RNF180: variants seen among roughly 807,000 people sequenced by gnomAD.
RNF180 encodes E3 ubiquitin-protein ligase RNF180.
RNF180 carries 38 observed loss-of-function variants against 59.2 expected under a neutral mutation model. That is an observed-to-expected ratio of 0.64 (90% CI 0.50 to 0.84). The LOEUF (loss-of-function observed/expected upper bound fraction) is 0.84. Ranked by LOEUF, RNF180 falls within the 40% of genes least tolerant of loss-of-function variation. RNF180 has a pLI of 0.00. For missense variants in RNF180, 705 were observed against 700.9 expected, an observed-to-expected ratio of 1.01 and a Z score of -0.07; for synonymous variants, 262 against 240.3, an observed-to-expected ratio of 1.09 and a Z score of -0.84.
intron 5 of RNF180, 76 bp downstream of exon 5, chr5:64,217,472 A>C: frequency 1.5e-6 from 2 of 1,319,478 alleles, no homozygotes; most frequent in Non-Finnish European, 1.9e-6. Flanking sequence ...CATTCCAAGC[A>C]GCAAAGACTT....
At chr5:64,296,117 A>G (rs928646709) in intron 5 of RNF180, among the ~76,000 whole-genome samples, 2 of 152,178 alleles carry the variant, frequency 1.3e-5, no homozygotes, top group Non-Finnish European at 2.9e-5. Context: ...TCAGACAACT[A>G]TGACAGGGAC....
chr5:64,267,082 A>G (rs745762523), intron 5 of RNF180, among the ~76,000 whole-genome samples: 4 of 152,118 alleles, frequency 2.6e-5, no homozygotes, highest in East Asian at 1.9e-4. Context: ...CAGCTTCTCT[A>G]CCTGTCTGAA....
chr5:64,241,947 C>T (rs948968757), intron 5 of RNF180, among the ~76,000 whole-genome samples: 1 of 152,136 alleles, frequency 6.6e-6, no homozygotes, highest in Non-Finnish European at 1.5e-5. Context: ...CAGGCTGGTA[C>T]TCACTGACAG....
chr5:64,362,905 A>G (rs1746312115), intron 7 of RNF180, among the ~76,000 whole-genome samples: 1 of 140,902 alleles, frequency 7.1e-6, no homozygotes, highest in Non-Finnish European at 1.5e-5. Flanking sequence ...ATGTCTGTTC[A>G]TGTCCTTTGC....
At chr5:64,242,338 G>C (rs534986795) in intron 5 of RNF180, among the ~76,000 whole-genome samples, 2 of 152,272 alleles carry the variant, frequency 1.3e-5, no homozygotes, top group African/African-American at 4.8e-5. Context: ...CAGAGATCAA[G>C]AACAATCAGA....
At chr5:64,179,756 A>G (rs1750468692) in intron 1 of RNF180, among the ~76,000 whole-genome samples, 2 of 152,216 alleles carry the variant, frequency 1.3e-5, no homozygotes, top group South Asian at 4.1e-4. Flanking sequence ...ATACAAACCT[A>G]GAAGTAGAAC....
At chr5:64,308,399 C>T (rs73103192) in intron 5 of RNF180, among the ~76,000 whole-genome samples, 2,168 of 151,822 alleles carry the variant, frequency 0.014, 49 homozygotes, top group African/African-American at 0.049. Context: ...TTACTATAGA[C>T]AAGTGTCATT....
intron 5 of RNF180, among the ~76,000 whole-genome samples, chr5:64,312,818 C>T (rs1743840154): frequency 6.6e-6 from 1 of 152,082 alleles, no homozygotes; most frequent in South Asian, 2.1e-4. Flanking sequence ...ACCTCAAAAG[C>T]TGGTGCCGTG....
intron 7 of RNF180, among the ~76,000 whole-genome samples, chr5:64,340,970 G>A (rs774888677): frequency 2.0e-5 from 3 of 151,496 alleles, no homozygotes; most frequent in Non-Finnish European, 4.4e-5. Flanking sequence ...CTTTCCCTCT[G>A]ACTCTTCCTT....
rs562462366 is a variant in RNF180 at position 64,190,324 on chromosome 5, A to C, written c.1-10484A>C. Among the ~76,000 whole-genome samples, 303 of 152,326 alleles carry C rather than the reference A, an allele frequency of 2.0e-3. 1 individual carries two copies. The highest frequency in any genetic ancestry group is 3.7e-3 in the Non-Finnish European group (254 of 68,022). ...TAGAATGGGAATGGCAACCCTATGCATGTGCCACCATTGTATTTTAGAAGC... is the reference window on the plus strand; with the variant it reads ...TAGAATGGGAATGGCAACCCTATGCCTGTGCCACCATTGTATTTTAGAAGC... On this transcript the variant is annotated intron_variant, in intron 1 of 7. Coordinates refer to ENST00000389100, the MANE Select transcript of RNF180 (RefSeq NM_001113561.2).
chr5:64,350,540 AG>A (rs1745757221), intron 7 of RNF180, among the ~76,000 whole-genome samples: 1 of 152,134 alleles, frequency 6.6e-6, no homozygotes. Context: ...TTATGGCTTT[AG>A]GTCTAACATT....
intron 7 of RNF180, among the ~76,000 whole-genome samples, chr5:64,356,278 G>A (rs907952629): frequency 6.6e-6 from 1 of 151,462 alleles, no homozygotes; most frequent in Non-Finnish European, 1.5e-5. Context: ...AAATAAATGT[G>A]GTGTAAGGGA....
chr5:64,269,603 T>C (rs750170567), intron 5 of RNF180, among the ~76,000 whole-genome samples: 4 of 152,156 alleles, frequency 2.6e-5, no homozygotes, highest in Non-Finnish European at 4.4e-5. Flanking sequence ...CTGCTATGTT[T>C]GTCTGAGATA....
At chr5:64,187,234 G>A (rs1483659255) in intron 1 of RNF180, among the ~76,000 whole-genome samples, 1 of 152,124 alleles carries the variant, frequency 6.6e-6, no homozygotes, top group Non-Finnish European at 1.5e-5. Flanking sequence ...TGTGACTTAA[G>A]AACCTATGGG....
intron 5 of RNF180, among the ~76,000 whole-genome samples, chr5:64,288,935 G>A (rs1227887237): frequency 6.6e-6 from 1 of 152,180 alleles, no homozygotes; most frequent in Non-Finnish European, 1.5e-5. Context: ...ATGTTGAATA[G>A]GAGTGGTGAG....
chr5:64,207,913 C>T (rs1162458927), intron 2 of RNF180, among the ~76,000 whole-genome samples: 2 of 151,944 alleles, frequency 1.3e-5, no homozygotes, highest in Non-Finnish European at 2.9e-5. Flanking sequence ...ATAGTTGGCT[C>T]ACATTTAAAG....
At chr5:64,364,969 T>G (rs749148072) in intron 7 of RNF180, among the ~76,000 whole-genome samples, 5 of 151,354 alleles carry the variant, frequency 3.3e-5, no homozygotes, top group Non-Finnish European at 7.4e-5. Flanking sequence ...TATTATTTAC[T>G]AGTCTAGCTA....
At chr5:64,349,417 T>TTG (rs1745690827) in intron 7 of RNF180, among the ~76,000 whole-genome samples, 1 of 151,856 alleles carries the variant, frequency 6.6e-6, no homozygotes, top group Non-Finnish European at 1.5e-5. Flanking sequence ...TTTCTTTTTT[T>TTG]TTTTTGAGTT....
rs1746595216 is a variant in RNF180, at chr5:64,369,761, G to A, written c.1726G>A (p.Val576Ile). 2 of 1,531,864 alleles carry A rather than the reference G, an allele frequency of 1.3e-6. No homozygotes were observed. Among genetic ancestry groups the A allele is most frequent in the African/African-American group, 1.4e-5 (1 of 71,930 alleles). The allele number at this position is 1,531,864 out of a possible 1,614,324, so 94.9% of individuals were successfully genotyped here. ...CATATATATTTATTCAGTGAACTGG[G>A]TCATTGGATTCATTGTTTTCTGCTT... ...VIIYIYSVNW[V>I]IGFIVFCFLC... Residue 576 changes from valine to isoleucine, a missense_variant, in exon 8 of 8, where the codon GTC becomes ATC. Transcript: ENST00000389100.
Sources: gnomAD v4.1 joint callset for allele counts (sites outside exome capture counted in the v4.1 genomes callset) on GRCh38, gnomAD v4.1.1 for gene constraint, MANE v1.5 for transcripts, NCBI Gene and HGNC (gene_info 2026-07-23, HGNC 2026-07-21) for gene names.